The following MYO15A variants were observed in gnomAD, a reference collection of about 807,000 sequenced individuals.
MYO15A encodes the protein unconventional myosin-XV.
A neutral mutation model predicts 394.6 loss-of-function variants in MYO15A; 308 were observed. That is an observed-to-expected ratio of 0.78 (90% confidence interval 0.71 to 0.86). The LOEUF (loss-of-function observed/expected upper bound fraction) is 0.86. Among genes scored for constraint, MYO15A ranks in the 40% least tolerant of loss-of-function variants. The probability of loss-of-function intolerance (pLI) is 0.00; values close to 1 mark genes in which losing one functional copy is unlikely to be tolerated. For synonymous variants in MYO15A, 1,957 were observed against 2,003.8 expected (o/e 0.98, Z 0.62); for missense variants, 4,606 against 4,799.1 (o/e 0.96, Z 1.19).
At chr17:18,125,324 C>CCCA in intron 4 of MYO15A, 93 bp downstream of exon 4, 3 of 1,255,712 alleles carry the variant, frequency 2.4e-6, no homozygotes, top group Non-Finnish European at 3.5e-6. Flanking sequence ...TCTTGTGGGC[C>CCCA]CTAGCCCCTG....
intron 40 of MYO15A, 87 bp downstream of exon 40, chr17:18,151,614 G>T: frequency 6.5e-7 from 1 of 1,535,670 alleles, no homozygotes; most frequent in Admixed American, 1.7e-5. Flanking sequence ...GGGTTGAAGC[G>T]CCCTGCCCAG....
intron 1 of MYO15A, among the ~76,000 whole-genome samples, chr17:18,116,852 G>A (rs1482951599): frequency 6.6e-6 from 1 of 152,000 alleles, no homozygotes; most frequent in East Asian, 1.9e-4. Flanking sequence ...CCCGGGAGGC[G>A]GAGGTTGCAG....
At position 18,147,046 on chromosome 17, in the gene MYO15A, TATAACC is replaced by T. The variant is rs889149054; in HGVS notation, c.6509+942_6509+947del. Reference sequence around the variant, plus strand: ...GGGCACATGGTAGGTGCTATGTGGGTATAACCATCACAATGATGTCACCCTGCTGGG... The same window carrying T: ...GGGCACATGGTAGGTGCTATGTGGGTATCACAATGATGTCACCCTGCTGGG... On this transcript the variant is annotated intron_variant, in intron 30 of 65. Coordinates refer to ENST00000647165, the MANE Select transcript of MYO15A (RefSeq NM_016239.4). The surrounding 1 kb of genome is among the most constrained non-coding windows in gnomAD (Gnocchi z 4.4). Among the ~76,000 whole-genome samples, 7 of 152,152 alleles carry T rather than the reference TATAACC, an allele frequency of 4.6e-5. No individual in the cohort carries two copies. Among genetic ancestry groups the T allele is most frequent in the Non-Finnish European group, 1.0e-4 (7 of 68,036 alleles).
chr17:18,148,573 G>T lies in MYO15A; in HGVS notation c.6764+5G>T. 6.4e-7 allele frequency: 1 copy of T among 1,551,542 alleles called. No homozygotes were observed. Among genetic ancestry groups the T allele is most frequent in the Non-Finnish European group, 8.7e-7 (1 of 1,147,016 alleles). On this transcript the variant is annotated splice_donor_5th_base_variant and intron_variant, in intron 32 of 65. Coordinates refer to ENST00000647165, the MANE Select transcript of MYO15A (RefSeq NM_016239.4). This position sits in a 1 kb window ranked among gnomAD's most constrained non-coding sequence, Gnocchi z 4.8. ...TGGAGACATTCTGAGGCACAGGTTG[G>T]CTCCTAGGATGCCCTCCCAGCACAC...
chr17:18,159,683 A>T lies in MYO15A; in HGVS notation c.9303+4A>T. The T allele has an allele frequency of 1.9e-6, 3 of 1,614,160 alleles. No homozygotes were observed. Among genetic ancestry groups the T allele is most frequent in the Non-Finnish European group, 2.5e-6 (3 of 1,180,018 alleles). ...CGTGCTTTGTAACCTCCTGAAGGTCAGTCCAGCCAACTTTGCCAGATGCCC... is the reference window on the plus strand; with the variant it reads ...CGTGCTTTGTAACCTCCTGAAGGTCTGTCCAGCCAACTTTGCCAGATGCCC... On this transcript the variant is annotated splice_donor_region_variant and intron_variant, in intron 55 of 65. Coordinates refer to ENST00000647165, the MANE Select transcript of MYO15A (RefSeq NM_016239.4).
chr17:18,148,948 A>G lies in MYO15A; in HGVS notation c.6952A>G (p.Lys2318Glu). The change falls in exon 33 of 66, where the codon AAA becomes GAA. Residue 2318 changes from lysine to glutamate, a missense_variant. Lys to Glu is a moderately conservative substitution (Grantham distance 56). Around this residue, in one of 2 missense-constraint regions of MYO15A, gnomAD observed 2,776 missense variants for 3,109.3 expected, o/e 0.89. Coordinates refer to ENST00000647165, the MANE Select transcript of MYO15A (RefSeq NM_016239.4). This position sits in a 1 kb window ranked among gnomAD's most constrained non-coding sequence, Gnocchi z 4.8. ...GCCTGCAGCCAGCAGGGGAGGCCCCAAAGTGTAGGTAGCTATGGGGGACCC... is the reference window on the plus strand; with the variant it reads ...GCCTGCAGCCAGCAGGGGAGGCCCCGAAGTGTAGGTAGCTATGGGGGACCC... ...EGPAASRGGP[K>E]VVFGNSWDSD... The G allele has an allele frequency of 6.3e-7, 1 of 1,594,422 alleles. No individual in the cohort carries two copies. The highest frequency in any genetic ancestry group is 8.5e-7 in the Non-Finnish European group (1 of 1,170,596).
chr17:18,122,486 C>T (rs947116277), intron 2 of MYO15A, 77 bp downstream of exon 2: 110 of 1,533,530 alleles, frequency 7.2e-5, no homozygotes, highest in Non-Finnish European at 9.3e-5. Flanking sequence ...GCCTGAGGAG[C>T]CCTGTGCAAC....
chr17:18,148,544 T>C lies in MYO15A; in HGVS notation c.6740T>C (p.Val2247Ala), dbSNP rs2046521143. The C allele has an allele frequency of 2.6e-6, 4 of 1,552,222 alleles. No individual in the cohort carries two copies. The highest frequency in any genetic ancestry group is 3.5e-6 in the Non-Finnish European group (4 of 1,147,348). ...PVHSWSTGEE[V>A]AGDILRHRGL... ...CACTCCTGGAGTACGGGGGAAGAGG[T>C]GGCTGGAGACATTCTGAGGCACAGG... The change falls in exon 32 of 66, where the codon GTG becomes GCG. Residue 2247 changes from valine (V) to alanine (A), a missense_variant. By Grantham distance (64) the Val-to-Ala change is moderately conservative. Coordinates refer to ENST00000647165, the MANE Select transcript of MYO15A (RefSeq NM_016239.4). This position sits in a 1 kb window ranked among gnomAD's most constrained non-coding sequence, Gnocchi z 4.8.
chr17:18,162,766 G>A (rs1410069325), intron 58 of MYO15A, 87 bp downstream of exon 58: 2 of 1,365,588 alleles, frequency 1.5e-6, no homozygotes, highest in East Asian at 2.4e-5. Flanking sequence ...TTGGGAGGCT[G>A]AGGCGGGCAG....
chr17:18,150,062 C>CTGG lies in MYO15A; in HGVS notation c.7213-367_7213-366insTGG, dbSNP rs974495323. ...GATGGAGTTGAATGACCTTGGTCCC[C>CTGG]GGGTCTTCTAGCCCCAGATCTCACG... On this transcript the variant is annotated intron_variant, in intron 35 of 65. Coordinates refer to ENST00000647165, the MANE Select transcript of MYO15A (RefSeq NM_016239.4). This position sits in a 1 kb window ranked among gnomAD's most constrained non-coding sequence, Gnocchi z 4.4. 2.8e-6 allele frequency: 1 copy of CTGG among 353,240 alleles called. No individual in the cohort carries two copies. The highest frequency in any genetic ancestry group is 2.1e-5 in the African/African-American group (1 of 47,854). The allele number at this position is 353,240 out of a possible 1,614,324, so 21.9% of individuals were successfully genotyped here.
Position 18,138,913 on chromosome 17 carries a change from T to A in MYO15A, c.5110T>A (p.Tyr1704Asn). 6.2e-7 allele frequency: 1 copy of A among 1,612,928 alleles called. No homozygotes were observed. The highest frequency in any genetic ancestry group is 2.2e-5 in the East Asian group (1 of 44,868). ...MPLPEFTIKH[Y>N]AGKVTYQVHK... is the part of the protein sequence containing the mutation. ...GCTGCCTGAGTTCACCATCAAGCACTATGCAGGCAAGGTCACCTACCAGGT... is the reference window on the plus strand; with the variant it reads ...GCTGCCTGAGTTCACCATCAAGCACAATGCAGGCAAGGTCACCTACCAGGT... The change falls in exon 18 of 66, where the codon TAT (tyrosine) becomes AAT (asparagine). Residue 1704 changes from tyrosine to asparagine, a missense_variant. Tyr to Asn is a moderately radical substitution (Grantham distance 143). This residue lies in a region of MYO15A where 2,776 missense variants were observed against 3,109.3 expected (regional missense o/e 0.89). Transcript: ENST00000647165.
intron 12 of MYO15A, 150 bp downstream of exon 12, chr17:18,133,536 T>C (rs1285034154): frequency 2.8e-6 from 3 of 1,059,672 alleles, no homozygotes; most frequent in Middle Eastern, 3.1e-4. Context: ...TGTTCATCTT[T>C]TTCCTCCTTA....
In MYO15A at chr17:18,120,999, C is replaced by G; in HGVS notation, c.2199C>G (p.Pro733=). 1.3e-6 allele frequency: 2 copies of G among 1,507,312 alleles called. No homozygotes were observed. Among genetic ancestry groups the G allele is most frequent in the Non-Finnish European group, 1.8e-6 (2 of 1,133,096 alleles). 93.4% of individuals were successfully genotyped at this position (1,507,312 alleles called of 1,614,324 possible). Residue 733 remains proline (P), a synonymous_variant, in exon 2 of 66, where the codon CCC becomes CCG. Coordinates refer to ENST00000647165, the MANE Select transcript of MYO15A (RefSeq NM_016239.4). ...EPPAVSPEVP[P]DLLAFPGPRP... ...CTGCCGTGAGCCCGGAGGTGCCCCCCGACCTACTAGCCTTCCCAGGGCCCC... is the reference window on the plus strand; with the variant it reads ...CTGCCGTGAGCCCGGAGGTGCCCCCGGACCTACTAGCCTTCCCAGGGCCCC...
Position 18,126,848 on chromosome 17 carries a change from C to T in MYO15A, c.3924C>T (p.Asn1308=). ...CCAAAATGCTCGATGCCAAACAGAA[C>T]CAGTGCATAATCATTAGGTGAGTGG... is the stretch of plus-strand genomic sequence containing the variant. ...AFAKMLDAKQ[N]QCIIISGESG... Residue 1308 remains asparagine (N), a synonymous_variant, in exon 6 of 66, where the codon AAC becomes AAT. Transcript: ENST00000647165. 1 of 1,613,948 alleles carries T rather than the reference C, an allele frequency of 6.2e-7. No individual in the cohort carries two copies.
At chr17:18,174,217 G>A (rs1442900270) in intron 65 of MYO15A, among the ~76,000 whole-genome samples, 1 of 152,288 alleles carries the variant, frequency 6.6e-6, no homozygotes, top group East Asian at 1.9e-4. Context: ...TGGATTGTAG[G>A]CCCCAGGATT....
Position 18,167,663 on chromosome 17 carries a change from A to T in MYO15A, c.10022A>T (p.Gln3341Leu). 5.0e-6 allele frequency: 8 copies of T among 1,604,506 alleles called. No homozygotes were observed. The South Asian group carries it at 8.8e-5, about 18-fold the overall frequency. ...ASRPSEQLLQ[Q>L]VSKLASLQHR... is the part of the protein sequence containing the mutation. ...CGGCCCAGCGAGCAGCTGCTGCAGC[A>T]GGTGTCCAAGCTGGCTTCACTGCAG... The change falls in exon 62 of 66, where the codon CAG (glutamine) becomes CTG (leucine). Residue 3341 changes from glutamine (Q) to leucine (L), a missense_variant. By Grantham distance (113) the Gln-to-Leu change is moderately radical. This residue lies in a region of MYO15A where 2,776 missense variants were observed against 3,109.3 expected (regional missense o/e 0.89). Transcript: ENST00000647165.
At chr17:18,133,429 G>A (rs2046205992) in intron 12 of MYO15A, 43 bp downstream of exon 12, 1 of 1,605,708 alleles carries the variant, frequency 6.2e-7, no homozygotes, top group Non-Finnish European at 8.5e-7. Flanking sequence ...GCACCCTCTG[G>A]ACTTGGCCGT....
Position 18,140,990 on chromosome 17 carries a change from G to C in MYO15A, c.5407-29G>C, listed in dbSNP as rs998603262. On this transcript the variant is annotated intron_variant, in intron 21 of 65. Transcript: ENST00000647165. ...CTTTTGCACATGGCTGAGCCAATGT[G>C]CAGACTCCCTCTCTGGGCATCCCTA... The C allele has an allele frequency of 1.9e-6, 3 of 1,613,392 alleles. No homozygotes were observed. The Admixed American group carries it at 5.0e-5, about 27-fold the overall frequency.
chr17:18,175,307 T>TTTTTTTTTTTTTTC (rs2046999866), intron 65 of MYO15A, among the ~76,000 whole-genome samples: 1 of 146,824 alleles, frequency 6.8e-6, no homozygotes, highest in African/African-American at 2.5e-5. Context: ...TTTTTTTTTT[T>TTTTTTTTTTTTTTC]TGAGGCAAAG....
Sources: gnomAD v4.1 joint callset for allele counts (sites outside exome capture counted in the v4.1 genomes callset) on GRCh38, gnomAD v4.1.1 for gene constraint, gnomAD v4.1.1 regional missense constraint, Gnocchi (gnomAD v3.1) non-coding constraint, MANE v1.5 for transcripts, NCBI Gene and HGNC (gene_info 2026-07-23, HGNC 2026-07-21) for gene names.